ABCE1: variants seen among roughly 807,000 people sequenced by gnomAD.
ABCE1 encodes the protein ATP binding cassette subfamily E member 1, also known as ATP-binding cassette sub-family E member 1.
ABCE1 carries 22 observed loss-of-function variants against 83.4 expected under a neutral mutation model. The observed-to-expected ratio is 0.26, with a 90% CI of 0.19 to 0.38. The LOEUF is 0.38. Among genes scored for constraint, ABCE1 ranks in the 10% least tolerant of loss-of-function variants. ABCE1 has a pLI of 1.00. For synonymous variants in ABCE1, 204 were observed against 233.7 expected (o/e 0.87, Z 1.16); for missense variants, 330 against 721.9 (o/e 0.46, Z 6.22).
rs1028707914 is a variant in ABCE1, at chr4:145,127,683, GAAGTAT to G, written c.*113_*118del. The G allele has an allele frequency of 1.9e-5, 15 of 788,694 alleles. No homozygotes were observed. The highest frequency in any genetic ancestry group is 2.5e-5 in the Non-Finnish European group (13 of 519,138). The allele number at this position is 788,694 out of a possible 1,614,324, so 48.9% of individuals were successfully genotyped here. ...TTATGCCCCACATACTCTGGAACTT[GAAGTAT>G]AATATACTTAATATAACATAAAAAG... On this transcript the variant is annotated 3_prime_UTR_variant, in exon 18 of 18. Transcript: ENST00000296577.
chr4:145,110,241 G>C lies in ABCE1; in HGVS notation c.543+1G>C. ...AGACCAGATTCCTAAGGCTGCAAAG[G>C]TCGGTTTTTGATAGAGGGAACTTAA... is the stretch of plus-strand genomic sequence containing the variant. On this transcript the variant is annotated splice_donor_variant, in intron 6 of 17. Coordinates refer to ENST00000296577, the MANE Select transcript of ABCE1 (RefSeq NM_002940.3). LOFTEE classifies it high-confidence loss of function. The C allele has an allele frequency of 6.3e-7, 1 of 1,598,618 alleles. No individual in the cohort carries two copies. The highest frequency in any genetic ancestry group is 8.5e-7 in the Non-Finnish European group (1 of 1,176,002).
At chr4:145,112,184 G>A in intron 8 of ABCE1, 55 bp from the exon 9 acceptor site, 4 of 1,273,682 alleles carry the variant, frequency 3.1e-6, no homozygotes, top group Non-Finnish European at 4.3e-6. Flanking sequence ...AGTATGTAAG[G>A]TAGAATGTCT....
intron 17 of ABCE1, among the ~76,000 whole-genome samples, chr4:145,125,969 A>C (rs1749874500): frequency 6.6e-6 from 1 of 152,078 alleles, no homozygotes; most frequent in African/African-American, 2.4e-5. Context: ...TCAACCCAGG[A>C]GGTGGAGGTT....
chr4:145,102,327 GA>G, intron 1 of ABCE1, among the ~76,000 whole-genome samples: 1 of 152,222 alleles, frequency 6.6e-6, no homozygotes, highest in African/African-American at 2.4e-5. Context: ...CTTGAAGAAG[GA>G]AAAATAAAAC....
Position 145,128,137 on chromosome 4 carries a change from T to C in ABCE1, c.*564T>C, listed in dbSNP as rs1749943566. On this transcript the variant is annotated 3_prime_UTR_variant, in exon 18 of 18. Transcript: ENST00000296577. The stretch of plus-strand genomic sequence containing the variant: ...CTGCAAAACACCACTGTTGGAAAAA[T>C]AGGTATTTTTAAATTGTTTTTAATC... 6.6e-6 allele frequency: 1 copy of C among 152,538 alleles called. No individual in the cohort carries two copies. Among genetic ancestry groups the C allele is most frequent in the Non-Finnish European group, 1.5e-5 (1 of 68,002 alleles). 9.4% of individuals were successfully genotyped at this position (152,538 alleles called of 1,614,324 possible).
chr4:145,104,384 A>G lies in ABCE1; in HGVS notation c.-27-2A>G. 2 of 1,478,862 alleles carry G rather than the reference A, an allele frequency of 1.4e-6. No homozygotes were observed. The highest frequency in any genetic ancestry group is 1.9e-6 in the Non-Finnish European group (2 of 1,080,262). The allele number at this position is 1,478,862 out of a possible 1,614,324, so 91.6% of individuals were successfully genotyped here. On this transcript the variant is annotated splice_acceptor_variant, in intron 1 of 17. Transcript: ENST00000296577. LOFTEE classifies it low-confidence loss of function (5UTR_SPLICE). ...TTAAATTTGTTGATTTTTCTTTCATAGAAGAGCTGGATATTCTTTCGCCCA... is the reference window on the plus strand; with the variant it reads ...TTAAATTTGTTGATTTTTCTTTCATGGAAGAGCTGGATATTCTTTCGCCCA...
At chr4:145,121,274 C>T (rs1166254962) in intron 12 of ABCE1, 41 bp downstream of exon 12, 2 of 1,609,510 alleles carry the variant, frequency 1.2e-6, no homozygotes, top group African/African-American at 1.3e-5. Flanking sequence ...CTGTTTTACA[C>T]AGTAAACTTT....
Position 145,105,586 on chromosome 4 carries a change from A to G in ABCE1, c.104-19A>G. 1 of 1,540,174 alleles carries G rather than the reference A, an allele frequency of 6.5e-7. No individual in the cohort carries two copies. Among genetic ancestry groups the G allele is most frequent in the Non-Finnish European group, 8.9e-7 (1 of 1,120,248 alleles). ...GAAGATCAAAGGAAATGGCTTAATT[A>G]TATCTTTTCCTTTACCAGGAAAATT... On this transcript the variant is annotated intron_variant, in intron 2 of 17. Coordinates refer to ENST00000296577, the MANE Select transcript of ABCE1 (RefSeq NM_002940.3).
At chr4:145,106,241 ATACT>A (rs2126700996) in intron 3 of ABCE1, among the ~76,000 whole-genome samples, 1 of 152,152 alleles carries the variant, frequency 6.6e-6, no homozygotes, top group South Asian at 2.1e-4. Flanking sequence ...AATGTGTAAC[ATACT>A]TAATTTAGAT....
intron 5 of ABCE1, among the ~76,000 whole-genome samples, chr4:145,109,887 C>G (rs531869631): frequency 6.6e-5 from 10 of 152,228 alleles, no homozygotes; most frequent in Non-Finnish European, 1.5e-4. Context: ...GTCCTAGGTG[C>G]TAGGAATCTG....
intron 1 of ABCE1, 123 bp downstream of exon 1, chr4:145,098,542 G>C (rs1462516654): frequency 6.6e-6 from 1 of 152,362 alleles, no homozygotes; most frequent in African/African-American, 2.4e-5. Context: ...AGCAGCGCGT[G>C]GCAGCGGTTC....
chr4:145,120,470 A>T (rs1579221145), intron 11 of ABCE1, among the ~76,000 whole-genome samples: 1 of 152,250 alleles, frequency 6.6e-6, no homozygotes. Flanking sequence ...GATGGAAAGG[A>T]TAAATGGTGA....
intron 9 of ABCE1, among the ~76,000 whole-genome samples, chr4:145,116,338 C>G (rs967107344): frequency 6.6e-6 from 1 of 151,564 alleles, no homozygotes; most frequent in Non-Finnish European, 1.5e-5. Context: ...GAAAGAAATA[C>G]GAGGGCCTGA....
intron 1 of ABCE1, among the ~76,000 whole-genome samples, chr4:145,099,921 G>T (rs1273059113): frequency 6.6e-6 from 1 of 152,110 alleles, no homozygotes; most frequent in East Asian, 1.9e-4. Flanking sequence ...CTTCGAATCT[G>T]AAATATCCGC....
intron 3 of ABCE1, among the ~76,000 whole-genome samples, chr4:145,107,562 C>T (rs1320958405): frequency 6.6e-6 from 1 of 152,042 alleles, no homozygotes; most frequent in Non-Finnish European, 1.5e-5. Flanking sequence ...GGATTATACC[C>T]AACACTAAAG....
In ABCE1 at chr4:145,128,920, T is replaced by C. The variant is rs1179556821; in HGVS notation, c.*1347T>C. ...ATACATGTTGTAAAAAATTCAAATA[T>C]ACAGAATGGAATAAAAAAATGATCT... On this transcript the variant is annotated 3_prime_UTR_variant, in exon 18 of 18. Coordinates refer to ENST00000296577, the MANE Select transcript of ABCE1 (RefSeq NM_002940.3). 2 of 152,238 alleles carry C rather than the reference T, an allele frequency of 1.3e-5. No individual in the cohort carries two copies. Among genetic ancestry groups the C allele is most frequent in the Admixed American group, 1.3e-4 (2 of 15,290 alleles). The allele number at this position is 152,238 out of a possible 1,614,324, so 9.4% of individuals were successfully genotyped here. A position where few individuals can be genotyped will look rare whatever the true frequency, so the allele number is the denominator to read the frequency against.
At chr4:145,100,832 C>G (rs1261376129) in intron 1 of ABCE1, among the ~76,000 whole-genome samples, 1 of 152,108 alleles carries the variant, frequency 6.6e-6, no homozygotes, top group Non-Finnish European at 1.5e-5. Flanking sequence ...TTGTTATAAC[C>G]TACAGGAAAA....
intron 7 of ABCE1, chr4:145,110,765 T>G: frequency 1.8e-6 from 1 of 549,080 alleles, no homozygotes; most frequent in Non-Finnish European, 3.2e-6. Flanking sequence ...CCCGGCCATT[T>G]TGTGTATATA....
chr4:145,125,714 G>C (rs1281983211), intron 17 of ABCE1, among the ~76,000 whole-genome samples: 1 of 152,032 alleles, frequency 6.6e-6, no homozygotes, highest in African/African-American at 2.4e-5. Context: ...TTGTAACAAA[G>C]AATTTTTTAA....
Sources: gnomAD v4.1 joint callset for allele counts (sites outside exome capture counted in the v4.1 genomes callset) on GRCh38, gnomAD v4.1.1 for gene constraint, MANE v1.5 for transcripts, NCBI Gene and HGNC (gene_info 2026-07-23, HGNC 2026-07-21) for gene names.